Variants in SPATA17 observed in about 807,000 individuals in gnomAD.
The protein encoded by SPATA17 is spermatogenesis associated 17, also known as spermatogenesis-associated protein 17.
Under a neutral mutation model 62.2 loss-of-function variants are expected in SPATA17, and 53 were observed. The observed-to-expected ratio is 0.85, with a 90% CI of 0.68 to 1.07. The LOEUF (loss-of-function observed/expected upper bound fraction) is 1.07. SPATA17 is among the 50% of genes least tolerant of loss of function. The probability of loss-of-function intolerance (pLI) is 0.00; values close to 1 mark genes in which losing one functional copy is unlikely to be tolerated. For synonymous variants in SPATA17, 146 were observed against 146.8 expected, an observed-to-expected ratio of 0.99 and a Z score of 0.04; for missense variants, 466 against 425.5, an observed-to-expected ratio of 1.10 and a Z score of -0.84.
At chr1:217,690,200 G>A (rs1015809125) in intron 5 of SPATA17, among the ~76,000 whole-genome samples, 1 of 152,036 alleles carries the variant, frequency 6.6e-6, no homozygotes, top group African/African-American at 2.4e-5. Context: ...ACCGGGCCCA[G>A]CCTTTACTTT....
intron 5 of SPATA17, among the ~76,000 whole-genome samples, chr1:217,695,991 C>T (rs1671446785): frequency 6.6e-6 from 1 of 150,942 alleles, no homozygotes; most frequent in African/African-American, 2.4e-5. Flanking sequence ...CAGAGGCAGG[C>T]AGGCCTCCTT....
chr1:217,832,711 G>A (rs1675172240), intron 9 of SPATA17, among the ~76,000 whole-genome samples: 1 of 152,056 alleles, frequency 6.6e-6, no homozygotes, highest in African/African-American at 2.4e-5. Context: ...TGTAGGTCGA[G>A]GTGGGTGGAC....
intron 9 of SPATA17, among the ~76,000 whole-genome samples, chr1:217,859,120 A>T (rs1400987100): frequency 6.9e-6 from 1 of 144,596 alleles, no homozygotes. Flanking sequence ...TATATTATAC[A>T]TAAATTTATA....
intron 5 of SPATA17, among the ~76,000 whole-genome samples, chr1:217,702,810 C>A (rs11117912): frequency 0.14 from 20,984 of 151,836 alleles, 1,528 homozygotes; most frequent in Non-Finnish European, 0.16. Flanking sequence ...TATGTTCTAT[C>A]GAATGATAGT....
At chr1:217,852,991 A>G (rs903546890) in intron 9 of SPATA17, among the ~76,000 whole-genome samples, 1 of 152,078 alleles carries the variant, frequency 6.6e-6, no homozygotes, top group Admixed American at 6.6e-5. Flanking sequence ...TCCTCACTGG[A>G]GATTTAAGTT....
intron 1 of SPATA17, among the ~76,000 whole-genome samples, chr1:217,646,671 T>A (rs1670190194): frequency 6.6e-6 from 1 of 151,880 alleles, no homozygotes; most frequent in South Asian, 2.1e-4. Flanking sequence ...CCGAGGTGGG[T>A]GGATCACGAG....
chr1:217,801,462 A>C (rs992706561), intron 8 of SPATA17, among the ~76,000 whole-genome samples: 2 of 152,222 alleles, frequency 1.3e-5, no homozygotes, highest in African/African-American at 2.4e-5. Flanking sequence ...CATTATCTCT[A>C]TATATAAAAT....
chr1:217,758,476 G>A (rs1467363566), intron 6 of SPATA17, among the ~76,000 whole-genome samples: 1 of 152,088 alleles, frequency 6.6e-6, no homozygotes, highest in Non-Finnish European at 1.5e-5. Flanking sequence ...TACTATGGAG[G>A]GGAAAACAGA....
At chr1:217,684,899 C>T (rs1427841390) in intron 5 of SPATA17, among the ~76,000 whole-genome samples, 5 of 152,040 alleles carry the variant, frequency 3.3e-5, no homozygotes, top group Non-Finnish European at 5.9e-5. Context: ...TTGAGGATTA[C>T]CTATAGAGAA....
At chr1:217,843,344 C>T (rs142955034) in intron 9 of SPATA17, among the ~76,000 whole-genome samples, 1,618 of 152,054 alleles carry the variant, frequency 0.011, 30 homozygotes, top group African/African-American at 0.037. Context: ...TGTCCAAGCA[C>T]GGTGGCTCAT....
intron 9 of SPATA17, among the ~76,000 whole-genome samples, chr1:217,817,238 C>T (rs978342049): frequency 2.6e-5 from 4 of 152,078 alleles, no homozygotes; most frequent in Admixed American, 6.6e-5. Flanking sequence ...CCGCCCAAAT[C>T]GCATCTTGAA....
chr1:217,643,375 G>A (rs1356629096), intron 1 of SPATA17, among the ~76,000 whole-genome samples: 2 of 151,862 alleles, frequency 1.3e-5, no homozygotes, highest in Non-Finnish European at 2.9e-5. Flanking sequence ...ATCACTCTTG[G>A]GCTCTGATTC....
chr1:217,695,748 T>G (rs944910160), intron 5 of SPATA17, among the ~76,000 whole-genome samples: 1 of 86,616 alleles, frequency 1.2e-5, no homozygotes, highest in Non-Finnish European at 2.3e-5. Context: ...TGGAATACCC[T>G]GCCGTGTGAG....
chr1:217,835,842 G>A (rs1675249889), intron 9 of SPATA17, among the ~76,000 whole-genome samples: 1 of 152,036 alleles, frequency 6.6e-6, no homozygotes, highest in Admixed American at 6.6e-5. Context: ...TAGAAGCTAT[G>A]ACTGGCATTT....
chr1:217,754,184 A>G (rs1672984086), intron 6 of SPATA17, among the ~76,000 whole-genome samples: 2 of 152,184 alleles, frequency 1.3e-5, no homozygotes, highest in African/African-American at 4.8e-5. Context: ...GCAGTGAGCC[A>G]TGATCGCGCC....
intron 4 of SPATA17, among the ~76,000 whole-genome samples, chr1:217,675,355 A>G (rs575395883): frequency 8.1e-4 from 123 of 152,284 alleles, no homozygotes; most frequent in Non-Finnish European, 1.2e-3. Context: ...ATGTTTGTAA[A>G]TTCAAAAGAC....
chr1:217,824,205 C>G (rs1196724640), intron 9 of SPATA17, among the ~76,000 whole-genome samples: 1 of 151,896 alleles, frequency 6.6e-6, no homozygotes, highest in African/African-American at 2.4e-5. Flanking sequence ...GTCATTTCCC[C>G]ATAATTAGCA....
intron 4 of SPATA17, among the ~76,000 whole-genome samples, chr1:217,674,684 T>G (rs569283422): frequency 6.6e-6 from 1 of 152,308 alleles, no homozygotes; most frequent in Admixed American, 6.5e-5. Context: ...ATTAGTTCTT[T>G]TAGTTCTGCC....
chr1:217,655,753 A>G (rs1205714048), intron 3 of SPATA17, among the ~76,000 whole-genome samples: 2 of 152,130 alleles, frequency 1.3e-5, no homozygotes, highest in African/African-American at 2.4e-5. Flanking sequence ...TATTCTCACT[A>G]AATGGTTTGG....
Sources: gnomAD v4.1 joint callset for allele counts (sites outside exome capture counted in the v4.1 genomes callset) on GRCh38, gnomAD v4.1.1 for gene constraint, MANE v1.5 for transcripts, NCBI Gene and HGNC (gene_info 2026-07-23, HGNC 2026-07-21) for gene names.